DMPK: variants seen among roughly 807,000 people sequenced by gnomAD.
DMPK encodes myotonin-protein kinase.
In DMPK, 32 loss-of-function variants were observed where a neutral mutation model predicts 70.3. The ratio of observed to expected loss-of-function variants is 0.46; its 90% CI spans 0.34 to 0.61. The LOEUF (loss-of-function observed/expected upper bound fraction) is 0.61, where lower values mean the gene tolerates loss of function less well. Ranked by LOEUF, DMPK falls within the 20% of genes least tolerant of loss-of-function variation. DMPK has a pLI of 0.01. For synonymous variants in DMPK, 469 were observed against 390.9 expected (o/e 1.20, Z -2.36); for missense variants, 899 against 886.0 (o/e 1.01, Z -0.19).
In DMPK at chr19:45,779,366, G is replaced by A; in HGVS notation, c.337-7C>T. The A allele has an allele frequency of 6.2e-7, 1 of 1,614,020 alleles. No individual in the cohort carries two copies. Among genetic ancestry groups the A allele is most frequent in the African/African-American group, 1.3e-5 (1 of 75,028 alleles). On this transcript the variant is annotated splice_polypyrimidine_tract_variant and splice_region_variant and intron_variant, in intron 3 of 14. Transcript: ENST00000291270. ...CCTCACGGAAGCACGACACCTGCAG[G>A]GCACCCGGAGGAGCTGCAGCCGGAG...
At chr19:45,782,087 G>T in intron 1 of DMPK, 106 bp downstream of exon 1, 1 of 1,046,814 alleles carries the variant, frequency 9.6e-7, no homozygotes, top group Non-Finnish European at 1.3e-6. Flanking sequence ...ATCTCCCCAT[G>T]CCCATCCTGC....
intron 1 of DMPK, 43 bp from the exon 2 acceptor site, chr19:45,779,912 G>A: frequency 1.2e-6 from 2 of 1,613,702 alleles, no homozygotes; most frequent in Non-Finnish European, 1.7e-6. Flanking sequence ...TCACCAGAAA[G>A]GGCACTGGAG....
Position 45,771,860 on chromosome 19 carries a change from G to A in DMPK, c.1413C>T (p.Leu471=). ...EAEAEVTLRE[L]QEALEEEVLT... ...GCACCTCCTCCTCCAGGGCTTCCTG[G>A]AGCTCCCGCAGCGTCACCTCGGCCT... The change falls in exon 11 of 15, where the codon CTC becomes CTT. Residue 471 remains leucine, a synonymous_variant. Coordinates refer to ENST00000291270, the MANE Select transcript of DMPK (RefSeq NM_004409.5). The A allele has an allele frequency of 6.3e-7, 1 of 1,582,494 alleles. No homozygotes were observed. Among genetic ancestry groups the A allele is most frequent in the Non-Finnish European group, 8.6e-7 (1 of 1,164,528 alleles).
chr19:45,770,834 C>T (rs1305152779), intron 14 of DMPK, 137 bp downstream of exon 14: 8 of 962,514 alleles, frequency 8.3e-6, no homozygotes, highest in Non-Finnish European at 1.0e-5. Context: ...TTCCTAGCGG[C>T]CTGTGTTGAT....
In DMPK at chr19:45,770,510, G is replaced by A. The variant is rs200199039; in HGVS notation, c.1868C>T (p.Pro623Leu). 1.2e-5 allele frequency: 19 copies of A among 1,550,512 alleles called. No individual in the cohort carries two copies. In the East Asian group the frequency reaches 3.9e-4, roughly 32 times the overall value. ...AGQLTAVWRR[P>L]GAARAP ...GGTTCAGGGAGCGCGGGCGGCTCCT[G>A]GGCGGCGCCAGACTGCGGTGAGTTG... is the stretch of plus-strand genomic sequence containing the variant. Residue 623 changes from proline to leucine, a missense_variant, in exon 15 of 15, where the codon CCA (proline) becomes CTA (leucine). Pro to Leu is a moderately conservative substitution (Grantham distance 98, BLOSUM62 -3). Around this residue, in one of 3 missense-constraint regions of DMPK, gnomAD observed 555 missense variants for 483.8 expected, o/e 1.15. Coordinates refer to ENST00000291270, the MANE Select transcript of DMPK (RefSeq NM_004409.5).
In DMPK at chr19:45,782,240, G is replaced by A. The variant is rs200832423; in HGVS notation, c.113C>T (p.Ala38Val). ...LLLGVHQELG[A>V]SELAQDKYVA... is the part of the protein sequence containing the mutation. ...GTACTTGTCCTGGGCCAGTTCGGAGGCGCCCAGCTCCTGGTGGACGCCCAG... is the reference window on the plus strand; with the variant it reads ...GTACTTGTCCTGGGCCAGTTCGGAGACGCCCAGCTCCTGGTGGACGCCCAG... Residue 38 changes from alanine (A) to valine (V), a missense_variant, in exon 1 of 15, where the codon GCC becomes GTC. Around this residue, in one of 3 missense-constraint regions of DMPK, gnomAD observed 149 missense variants for 142.5 expected, o/e 1.05. Transcript: ENST00000291270. 5.6e-6 allele frequency: 9 copies of A among 1,610,082 alleles called. No homozygotes were observed. The highest frequency in any genetic ancestry group is 2.7e-5 in the African/African-American group (2 of 74,764).
intron 4 of DMPK, 83 bp from the exon 5 acceptor site, chr19:45,778,724 G>C: frequency 1.4e-6 from 2 of 1,435,534 alleles, no homozygotes; most frequent in Non-Finnish European, 1.9e-6. Flanking sequence ...CCCTCCCAGA[G>C]ACACCCCATC....
In DMPK at chr19:45,778,113, G is replaced by A; in HGVS notation, c.675+14C>T. The A allele has an allele frequency of 6.2e-7, 1 of 1,601,350 alleles. No individual in the cohort carries two copies. The highest frequency in any genetic ancestry group is 1.7e-5 in the Admixed American group (1 of 59,020). On this transcript the variant is annotated intron_variant, in intron 6 of 14. Transcript: ENST00000291270. ...AGCAGCCCCAGTTGCTCTGTGGCCAGGGCACTGGCTCACCGTTCCATCTGC... is the reference window on the plus strand; with the variant it reads ...AGCAGCCCCAGTTGCTCTGTGGCCAAGGCACTGGCTCACCGTTCCATCTGC...
In DMPK at chr19:45,779,361, T is replaced by C; in HGVS notation, c.337-2A>G. On this transcript the variant is annotated splice_acceptor_variant, in intron 3 of 14. Coordinates refer to ENST00000291270, the MANE Select transcript of DMPK (RefSeq NM_004409.5). LOFTEE classifies it high-confidence loss of function. ...CCTCTCCTCACGGAAGCACGACACC[T>C]GCAGGGCACCCGGAGGAGCTGCAGC... The C allele has an allele frequency of 6.2e-7, 1 of 1,614,006 alleles. No individual in the cohort carries two copies.
At position 45,770,618 on chromosome 19, in the gene DMPK, TC is replaced by T. The variant is rs1286857805; in HGVS notation, c.1759del (p.Glu587ArgfsTer46). The T allele has an allele frequency of 2.6e-6, 4 of 1,552,658 alleles. No individual in the cohort carries two copies. The Admixed American group carries it at 5.9e-5, about 23-fold the overall frequency. On this transcript the variant is annotated frameshift_variant, in exon 15 of 15. Transcript: ENST00000291270. LOFTEE classifies it high-confidence loss of function. ...PARVPRPGLS[E>X]ALSLLLFAVV... ...GGCGAACAGGAGCAGGGAAAGCGCC[TC>T]CGATAGGCCAGGCCTAGGGACCTGC...
intron 2 of DMPK, 49 bp downstream of exon 2, chr19:45,779,729 T>C: frequency 7.5e-7 from 1 of 1,324,788 alleles, no homozygotes; most frequent in South Asian, 1.3e-5. Context: ...CCAACCCCTA[T>C]GCCCCGCCCA....
Position 45,777,607 on chromosome 19 carries a change from G to A in DMPK, c.883-17C>T, listed in dbSNP as rs767991260. 3 of 1,612,956 alleles carry A rather than the reference G, an allele frequency of 1.9e-6. No individual in the cohort carries two copies. The highest frequency in any genetic ancestry group is 2.7e-5 in the African/African-American group (2 of 74,908). The stretch of plus-strand genomic sequence containing the variant: ...GAGGTGCTCCTGCTCAGAGGGAGAG[G>A]AGGCGATAGCCTGGGAGCGCCTACC... On this transcript the variant is annotated splice_polypyrimidine_tract_variant and intron_variant, in intron 7 of 14. Coordinates refer to ENST00000291270, the MANE Select transcript of DMPK (RefSeq NM_004409.5). This position sits in a 1 kb window ranked among gnomAD's most constrained non-coding sequence, Gnocchi z 6.7.
rs1412133227 is a variant in DMPK, at chr19:45,778,536, C to CA, written c.537dup (p.Val180CysfsTer81). The CA allele has an allele frequency of 1.2e-6, 2 of 1,613,992 alleles. No individual in the cohort carries two copies. The highest frequency in any genetic ancestry group is 4.5e-5 in the East Asian group (2 of 44,882). ...CGGTGCACCGAGTCTATGGCCATGA[C>CA]AATCTCCGCCAGGTAGAAGCGCGCC... On this transcript the variant is annotated frameshift_variant, in exon 5 of 15. Coordinates refer to ENST00000291270, the MANE Select transcript of DMPK (RefSeq NM_004409.5). LOFTEE classifies it high-confidence loss of function.
intron 1 of DMPK, chr19:45,780,300 A>G: frequency 6.4e-7 from 1 of 1,555,832 alleles, no homozygotes. Flanking sequence ...GTAACGGCCC[A>G]GACGTGGGGT....
intron 8 of DMPK, among the ~76,000 whole-genome samples, chr19:45,776,244 C>T (rs1266795238): frequency 1.1e-5 from 1 of 92,564 alleles, no homozygotes. Context: ...CCCGGGTTCA[C>T]GCCATTCTCC....
At chr19:45,776,744 G>T (rs1168543858) in intron 8 of DMPK, 2 of 152,890 alleles carry the variant, frequency 1.3e-5, no homozygotes, top group African/African-American at 4.8e-5. Context: ...ACAGGCGTGA[G>T]CCACCGTGCC....
In DMPK at chr19:45,772,673, G is replaced by C. The variant is rs544056738; in HGVS notation, c.1312C>G (p.Leu438Val). The change falls in exon 10 of 15, where the codon CTG (leucine) becomes GTG (valine). Residue 438 changes from leucine to valine, a missense_variant. Leu to Val is a conservative substitution (Grantham distance 32). This residue lies in a region of DMPK where 555 missense variants were observed against 483.8 expected (regional missense o/e 1.15). Coordinates refer to ENST00000291270, the MANE Select transcript of DMPK (RefSeq NM_004409.5). ...TCCTGTGGGGACACCGAGGGCTCCA[G>C]GCTGGGCGCTTGCACGTGTGGCTCA... ...LLEPHVQAPS[L>V]EPSVSPQDET... 7 of 1,535,162 alleles carry C rather than the reference G, an allele frequency of 4.6e-6. No individual in the cohort carries two copies. The highest frequency in any genetic ancestry group is 3.5e-6 in the Non-Finnish European group (4 of 1,151,238).
At position 45,782,421 on chromosome 19, in the gene DMPK, C is replaced by T. The variant is rs993492384; in HGVS notation, c.-69G>A. On this transcript the variant is annotated 5_prime_UTR_variant, in exon 1 of 15. Transcript: ENST00000291270. The stretch of plus-strand genomic sequence containing the variant: ...GGGGTCCTCCTGTCACAGGGCCTGG[C>T]AGCCCCTGTCCAGGCCCTGGAGCCC... 9 of 1,448,478 alleles carry T rather than the reference C, an allele frequency of 6.2e-6. No individual in the cohort carries two copies. In the African/African-American group the frequency reaches 1.3e-4, roughly 21 times the overall value. The allele number at this position is 1,448,478 out of a possible 1,614,324, so 89.7% of individuals were successfully genotyped here. A position where few individuals can be genotyped will look rare whatever the true frequency, so the allele number is the denominator to read the frequency against.
rs577740076 is a variant in DMPK, at chr19:45,779,270, G to A, written c.426C>T (p.Asn142=). ...TQLHFAFQDE[N]YLYLVMEYYV... is the part of the protein sequence containing the mutation. ...ACCCCGGCCCGGAGCTCACCAGGTA[G>A]TTCTCATCCTGGAAGGCGAAGTGCA... Residue 142 remains asparagine, a synonymous_variant, in exon 4 of 15, where the codon AAC becomes AAT. Coordinates refer to ENST00000291270, the MANE Select transcript of DMPK (RefSeq NM_004409.5). 2.5e-6 allele frequency: 4 copies of A among 1,613,956 alleles called. No homozygotes were observed. In the Admixed American group the frequency reaches 6.7e-5, roughly 27 times the overall value.
Sources: allele counts gnomAD v4.1 joint callset (sites outside exome capture counted in the v4.1 genomes callset), GRCh38; gene constraint gnomAD v4.1.1; regional missense constraint gnomAD v4.1.1; non-coding constraint Gnocchi (gnomAD v3.1); transcripts MANE v1.5; gene names NCBI Gene and HGNC (gene_info 2026-07-23, HGNC 2026-07-21).